Variants in EDEM3 observed in about 807,000 individuals in gnomAD.
EDEM3 encodes the protein ER degradation enhancing alpha-mannosidase like protein 3.
Under a neutral mutation model 110.2 loss-of-function variants are expected in EDEM3, and 60 were observed. That is an observed-to-expected ratio of 0.54 (90% confidence interval 0.44 to 0.67). EDEM3 has a LOEUF of 0.67. Among genes scored for constraint, EDEM3 ranks in the 30% least tolerant of loss-of-function variants. The pLI is 0.00. For synonymous variants in EDEM3, 352 were observed against 382.9 expected, an observed-to-expected ratio of 0.92 and a Z score of 0.94; for missense variants, 996 against 1,121.0, an observed-to-expected ratio of 0.89 and a Z score of 1.59.
chr1:184,750,518 C>CTTT lies in EDEM3; in HGVS notation c.159-929_159-927dup, dbSNP rs376949251. Among the ~76,000 whole-genome samples the CTTT allele has an allele frequency of 5.5e-5, 8 of 146,458 alleles. 1 individual carries two copies. The highest frequency in any genetic ancestry group is 2.0e-4 in the East Asian group (1 of 4,958). ...CTTAACAATTTTTTATTAACTTTTT[C>CTTT]TTTTTTTTTTGAGACAGGGTCTCAC... is the stretch of plus-strand genomic sequence containing the variant. On this transcript the variant is annotated intron_variant, in intron 1 of 19. Coordinates refer to ENST00000318130, the MANE Select transcript of EDEM3 (RefSeq NM_025191.4).
intron 13 of EDEM3, among the ~76,000 whole-genome samples, chr1:184,714,149 A>C (rs1369052644): frequency 6.6e-6 from 1 of 152,246 alleles, no homozygotes; most frequent in Non-Finnish European, 1.5e-5. Flanking sequence ...CAGGATACTG[A>C]TAATTGGCAA....
intron 2 of EDEM3, among the ~76,000 whole-genome samples, chr1:184,739,617 G>A (rs1032562753): frequency 1.6e-4 from 24 of 151,878 alleles, no homozygotes; most frequent in African/African-American, 5.8e-4. Flanking sequence ...CCTATAGGTT[G>A]CACATATTTC....
intron 19 of EDEM3, among the ~76,000 whole-genome samples, chr1:184,702,390 CTGT>C (rs1649674400): frequency 6.6e-6 from 1 of 152,082 alleles, no homozygotes. Context: ...TATAGGTGGC[CTGT>C]TGAGACTAAC....
intron 19 of EDEM3, among the ~76,000 whole-genome samples, chr1:184,699,219 T>C (rs1007834438): frequency 6.6e-6 from 1 of 151,900 alleles, no homozygotes; most frequent in African/African-American, 2.4e-5. Flanking sequence ...GTACATTAAA[T>C]GTTTACTGAA....
intron 2 of EDEM3, among the ~76,000 whole-genome samples, chr1:184,738,455 T>C (rs986575075): frequency 6.6e-6 from 1 of 152,198 alleles, no homozygotes; most frequent in Non-Finnish European, 1.5e-5. Flanking sequence ...TGATTTCAAT[T>C]TTTTTCTATA....
At chr1:184,726,468 C>T (rs765846245) in intron 6 of EDEM3, 79 bp from the exon 7 acceptor site, 22 of 1,441,298 alleles carry the variant, frequency 1.5e-5, no homozygotes, top group Non-Finnish European at 2.0e-5. Flanking sequence ...TCAATCAAGT[C>T]TTTGTATAAA....
Position 184,709,661 on chromosome 1 carries a change from C to T in EDEM3, c.1845+733G>A, listed in dbSNP as rs569084725. On this transcript the variant is annotated intron_variant, in intron 16 of 19. Coordinates refer to ENST00000318130, the MANE Select transcript of EDEM3 (RefSeq NM_025191.4). ...AGCAATGTCACAAGAGATGTCACTC[C>T]CACTGAGGCCAAATAAAATACAAGG... Among the ~76,000 whole-genome samples the T allele has an allele frequency of 2.6e-5, 4 of 152,200 alleles. No individual in the cohort carries two copies. The South Asian group carries it at 8.3e-4, about 32-fold the overall frequency.
At chr1:184,750,626 C>T (rs1282140622) in intron 1 of EDEM3, among the ~76,000 whole-genome samples, 1 of 151,634 alleles carries the variant, frequency 6.6e-6, no homozygotes, top group Non-Finnish European at 1.5e-5. Flanking sequence ...GATTCTCCTG[C>T]CTCAGCCTCC....
Position 184,749,605 on chromosome 1 carries a change from G to C in EDEM3, c.159-13C>G. 9.5e-6 allele frequency: 12 copies of C among 1,260,594 alleles called. No homozygotes were observed. The highest frequency in any genetic ancestry group is 2.7e-4 in the Middle Eastern group (1 of 3,756). 78.1% of individuals were successfully genotyped at this position (1,260,594 alleles called of 1,614,324 possible). The stretch of plus-strand genomic sequence containing the variant: ...CAGTACTTGATTCCTAATTTTAAAA[G>C]AGCAGAAATGGAAAAAAAAAAAAAA... On this transcript the variant is annotated splice_polypyrimidine_tract_variant and intron_variant, in intron 1 of 19. Transcript: ENST00000318130.
Position 184,749,607 on chromosome 1 carries a change from G to T in EDEM3, c.159-15C>A. 2 of 1,316,766 alleles carry T rather than the reference G, an allele frequency of 1.5e-6. No individual in the cohort carries two copies. The highest frequency in any genetic ancestry group is 1.5e-5 in the South Asian group (1 of 65,536). The allele number at this position is 1,316,766 out of a possible 1,614,324, so 81.6% of individuals were successfully genotyped here. ...GTACTTGATTCCTAATTTTAAAAGA[G>T]CAGAAATGGAAAAAAAAAAAAAAAA... On this transcript the variant is annotated splice_polypyrimidine_tract_variant and intron_variant, in intron 1 of 19. Coordinates refer to ENST00000318130, the MANE Select transcript of EDEM3 (RefSeq NM_025191.4).
chr1:184,701,624 A>G, intron 19 of EDEM3: 1 of 1,021,388 alleles, frequency 9.8e-7, no homozygotes, highest in South Asian at 1.5e-5. Context: ...TAATTTGCCT[A>G]TGTTAGATGT....
In EDEM3 at chr1:184,690,364, A is replaced by C. The variant is rs1436066558; in HGVS notation, c.*3699T>G. On this transcript the variant is annotated 3_prime_UTR_variant, in exon 20 of 20. Transcript: ENST00000318130. ...TTAGCCCACAAGCTTGGGTTTCTAC[A>C]GCCTAAAATGTCCCCAGAATTCAAT... The C allele has an allele frequency of 6.6e-6, 1 of 152,226 alleles. No individual in the cohort carries two copies. Among genetic ancestry groups the C allele is most frequent in the Non-Finnish European group, 1.5e-5 (1 of 67,984 alleles). The allele number at this position is 152,226 out of a possible 1,614,324, so 9.4% of individuals were successfully genotyped here.
chr1:184,735,450 A>G (rs551817280), intron 4 of EDEM3, among the ~76,000 whole-genome samples: 21 of 152,320 alleles, frequency 1.4e-4, no homozygotes, highest in African/African-American at 4.3e-4. Flanking sequence ...ACAGGCTGCT[A>G]TGATTTTTCA....
Position 184,744,289 on chromosome 1 carries a change from T to C in EDEM3, c.204+5258A>G, listed in dbSNP as rs1002837356. ...ATATATATATATATATATATATATA[T>C]ATATGAATAGCAAATAAGCATATGG... On this transcript the variant is annotated intron_variant, in intron 2 of 19. Transcript: ENST00000318130. Among the ~76,000 whole-genome samples the C allele has an allele frequency of 2.8e-4, 30 of 105,568 alleles. 1 individual carries two copies. The highest frequency in any genetic ancestry group is 2.6e-3 in the Admixed American group (27 of 10,410). 69.3% of individuals were successfully genotyped at this position (105,568 alleles called of 152,430 possible).
rs1358114051 is a variant in EDEM3 at position 184,694,060 on chromosome 1, A to T, written c.*3T>A. ...AATACCTACCAACAGATTGTTTAGCAAGTCATAGCTCATCCTTCTCCATCA... is the reference window on the plus strand; with the variant it reads ...AATACCTACCAACAGATTGTTTAGCTAGTCATAGCTCATCCTTCTCCATCA... On this transcript the variant is annotated 3_prime_UTR_variant, in exon 20 of 20. Transcript: ENST00000318130. 1.2e-6 allele frequency: 2 copies of T among 1,607,090 alleles called. No individual in the cohort carries two copies. Among genetic ancestry groups the T allele is most frequent in the Non-Finnish European group, 1.7e-6 (2 of 1,176,418 alleles).
In EDEM3 at chr1:184,754,541, C is replaced by T. The variant is rs754360198; in HGVS notation, c.106G>A (p.Val36Met). ...ATGGGCTCGGCCCCCGCCGTCCACA[C>T]GGAGGTGGCCGACACCAGGCAGAAC... ...AAFCLVSATS[V>M]WTAGAEPMSR... The change falls in exon 1 of 20, where the codon GTG (valine) becomes ATG (methionine). Residue 36 changes from valine (V) to methionine (M), a missense_variant. By Grantham distance (21) the Val-to-Met change is conservative (BLOSUM62 1). Around this residue, in one of 5 missense-constraint regions of EDEM3, gnomAD observed 200 missense variants for 183.8 expected, o/e 1.09. Transcript: ENST00000318130. 6.2e-7 allele frequency: 1 copy of T among 1,613,022 alleles called. No homozygotes were observed. The highest frequency in any genetic ancestry group is 1.3e-5 in the African/African-American group (1 of 75,006).
At chr1:184,754,272 G>A (rs995091036) in intron 1 of EDEM3, among the ~76,000 whole-genome samples, 1 of 152,142 alleles carries the variant, frequency 6.6e-6, no homozygotes, top group African/African-American at 2.4e-5. Flanking sequence ...CATGTCACCG[G>A]CGGCCAGGGC....
chr1:184,726,555 G>C (rs1478326344), intron 6 of EDEM3, among the ~76,000 whole-genome samples, 166 bp from the exon 7 acceptor site: 1 of 152,162 alleles, frequency 6.6e-6, no homozygotes, highest in Non-Finnish European at 1.5e-5. Flanking sequence ...TTAGCATGTA[G>C]GGAAATATAT....
In EDEM3 at chr1:184,692,027, A is replaced by T. The variant is rs1435664996; in HGVS notation, c.*2036T>A. 1 of 152,130 alleles carries T rather than the reference A, an allele frequency of 6.6e-6. No homozygotes were observed. Among genetic ancestry groups the T allele is most frequent in the Non-Finnish European group, 1.5e-5 (1 of 67,994 alleles). The allele number at this position is 152,130 out of a possible 1,614,324, so 9.4% of individuals were successfully genotyped here. A position where few individuals can be genotyped will look rare whatever the true frequency, so the allele number is the denominator to read the frequency against. ...ATTAGGTTGTTTTGATAACTTAGAA[A>T]AGTTAGTTTTAGACAACAGTGACTT... On this transcript the variant is annotated 3_prime_UTR_variant, in exon 20 of 20. Coordinates refer to ENST00000318130, the MANE Select transcript of EDEM3 (RefSeq NM_025191.4).
Sources: gnomAD v4.1 joint callset for allele counts (sites outside exome capture counted in the v4.1 genomes callset) on GRCh38, gnomAD v4.1.1 for gene constraint, gnomAD v4.1.1 regional missense constraint, MANE v1.5 for transcripts, NCBI Gene and HGNC (gene_info 2026-07-23, HGNC 2026-07-21) for gene names.